Variants in RARB observed in about 807,000 individuals in gnomAD.
RARB encodes retinoic acid receptor beta.
Under a neutral mutation model 51.9 loss-of-function variants are expected in RARB, and 17 were observed. That is an observed-to-expected ratio of 0.33 (90% CI 0.22 to 0.49). The LOEUF (loss-of-function observed/expected upper bound fraction) is 0.49, where lower values mean the gene tolerates loss of function less well. Ranked by LOEUF, RARB falls within the 20% of genes least tolerant of loss-of-function variation. The pLI is 0.99. For synonymous variants in RARB, 215 were observed against 195.4 expected (o/e 1.10, Z -0.84); for missense variants, 369 against 550.8 (o/e 0.67, Z 3.30).
intron 4 of RARB, among the ~76,000 whole-genome samples, chr3:25,160,275 A>G (rs1463368830): frequency 1.3e-5 from 2 of 152,252 alleles, no homozygotes; most frequent in Non-Finnish European, 2.9e-5. Context: ...AAATAGCCAA[A>G]TGAACATTTT....
At chr3:25,212,340 C>T (rs1354024771) in intron 5 of RARB, among the ~76,000 whole-genome samples, 2 of 152,198 alleles carry the variant, frequency 1.3e-5, no homozygotes, top group African/African-American at 2.4e-5. Context: ...GTGTACTTGG[C>T]TGGGTACAGT....
intron 2 of RARB, among the ~76,000 whole-genome samples, chr3:24,940,588 A>G (rs1171694610): frequency 1.3e-5 from 2 of 152,060 alleles, no homozygotes. Flanking sequence ...TTGCATCTCT[A>G]TGGCAGTACT....
intron 2 of RARB, among the ~76,000 whole-genome samples, chr3:25,006,795 T>G (rs1417340194): frequency 6.6e-6 from 1 of 152,168 alleles, no homozygotes; most frequent in African/African-American, 2.4e-5. Context: ...CATTACACCT[T>G]AGAGTCCTGT....
At chr3:25,086,100 A>G (rs917225382) in intron 3 of RARB, among the ~76,000 whole-genome samples, 3 of 152,154 alleles carry the variant, frequency 2.0e-5, no homozygotes, top group African/African-American at 7.2e-5. Context: ...AGTGACAGAT[A>G]ACATAATGGA....
chr3:24,874,339 TATTA>T (rs1703003424), intron 2 of RARB, among the ~76,000 whole-genome samples: 1 of 152,100 alleles, frequency 6.6e-6, no homozygotes, highest in Admixed American at 6.5e-5. Context: ...AAATCAACCC[TATTA>T]ATTTTGTTCT....
intron 1 of RARB, among the ~76,000 whole-genome samples, chr3:25,431,196 G>C (rs1286638169): frequency 6.6e-6 from 1 of 151,918 alleles, no homozygotes; most frequent in Non-Finnish European, 1.5e-5. Flanking sequence ...TAACACAGAG[G>C]AAACAGTGGG....
At chr3:25,524,691 CTGTCCCT>C (rs1410949077) in intron 3 of RARB, among the ~76,000 whole-genome samples, 2 of 143,536 alleles carry the variant, frequency 1.4e-5, no homozygotes, top group East Asian at 4.4e-4. Flanking sequence ...CCTCTTCTTT[CTGTCCCT>C]TTTTCCTCCC....
intron 2 of RARB, among the ~76,000 whole-genome samples, chr3:25,042,608 T>C (rs921177341): frequency 6.6e-5 from 10 of 152,192 alleles, no homozygotes; most frequent in South Asian, 2.1e-4. Flanking sequence ...CAGCTTGATA[T>C]GGAAATGTCA....
At chr3:25,319,425 AT>A (rs1704508589) in intron 5 of RARB, among the ~76,000 whole-genome samples, 3 of 152,180 alleles carry the variant, frequency 2.0e-5, no homozygotes, top group Admixed American at 1.3e-4. Context: ...GGCTTTGAGT[AT>A]TTTGAATCTG....
intron 4 of RARB, among the ~76,000 whole-genome samples, chr3:25,570,500 G>A (rs896673279): frequency 6.6e-6 from 1 of 152,226 alleles, no homozygotes; most frequent in African/African-American, 2.4e-5. Flanking sequence ...ATGCCCAGTT[G>A]AGTGAATGTT....
At chr3:25,421,356 C>A (rs983425230) in intron 5 of RARB, among the ~76,000 whole-genome samples, 7 of 143,630 alleles carry the variant, frequency 4.9e-5, no homozygotes, top group Non-Finnish European at 7.5e-5. Flanking sequence ...ATGTATCGGA[C>A]TTCATTTTGT....
At chr3:25,204,559 T>A (rs527549082) in intron 5 of RARB, among the ~76,000 whole-genome samples, 1 of 152,348 alleles carries the variant, frequency 6.6e-6, no homozygotes, top group East Asian at 1.9e-4. Context: ...TGTGGTTTTA[T>A]CTACCTTTGG....
chr3:25,231,810 A>G (rs1054764852), intron 5 of RARB, among the ~76,000 whole-genome samples: 2 of 152,106 alleles, frequency 1.3e-5, no homozygotes, highest in African/African-American at 4.8e-5. Flanking sequence ...ATCTGCTTAT[A>G]TGGGTTTTTC....
chr3:25,008,522 G>C (rs1697323607), intron 2 of RARB, among the ~76,000 whole-genome samples: 1 of 152,060 alleles, frequency 6.6e-6, no homozygotes, highest in South Asian at 2.1e-4. Context: ...TACTGCTTAG[G>C]AGTCTTTGAA....
chr3:25,116,960 CATAAGA>C (rs1699697383), intron 3 of RARB, among the ~76,000 whole-genome samples: 1 of 152,074 alleles, frequency 6.6e-6, no homozygotes, highest in Non-Finnish European at 1.5e-5. Flanking sequence ...AATTTTTTAA[CATAAGA>C]ATAAGAGCAA....
At chr3:24,884,519 G>C (rs1703233837) in intron 2 of RARB, among the ~76,000 whole-genome samples, 1 of 152,146 alleles carries the variant, frequency 6.6e-6, no homozygotes, top group Admixed American at 6.6e-5. Context: ...TATCTCTAGA[G>C]ATAAAATAGC....
In RARB at chr3:25,494,235, T is replaced by C. The variant is rs1455017733; in HGVS notation, c.307-6947T>C. On this transcript the variant is annotated intron_variant, in intron 2 of 7. Coordinates refer to ENST00000330688, the MANE Select transcript of RARB (RefSeq NM_000965.5). ...TCCCCAGTTTAAACATTAGCCCCCT[T>C]TTCCAGCTGTATCTTACGCACACAC... is the stretch of plus-strand genomic sequence containing the variant. 5.1e-5 allele frequency among the ~76,000 whole-genome samples: 3 copies of C among 59,092 alleles called. No homozygotes were observed. In the East Asian group the frequency reaches 2.0e-3, roughly 40 times the overall value. 38.8% of individuals were successfully genotyped at this position (59,092 alleles called of 152,430 possible). A position where few individuals can be genotyped will look rare whatever the true frequency, so the allele number is the denominator to read the frequency against.
intron 1 of RARB, among the ~76,000 whole-genome samples, chr3:24,834,163 G>A (rs966532075): frequency 6.6e-6 from 1 of 152,214 alleles, no homozygotes; most frequent in Non-Finnish European, 1.5e-5. Flanking sequence ...TCCTTTGTGA[G>A]CTGAGAAATA....
intron 2 of RARB, among the ~76,000 whole-genome samples, chr3:24,955,435 G>T (rs1475612086): frequency 6.6e-6 from 1 of 152,134 alleles, no homozygotes; most frequent in Non-Finnish European, 1.5e-5. Context: ...TTCCCATTTA[G>T]GGCTGTGGTT....
Sources: gnomAD v4.1 joint callset for allele counts (sites outside exome capture counted in the v4.1 genomes callset) on GRCh38, gnomAD v4.1.1 for gene constraint, MANE v1.5 for transcripts, NCBI Gene and HGNC (gene_info 2026-07-23, HGNC 2026-07-21) for gene names.